LPAR1: variants seen among roughly 807,000 people sequenced by gnomAD.
LPAR1 encodes lysophosphatidic acid receptor 1.
In LPAR1, 5 loss-of-function variants were observed where a neutral mutation model predicts 23.8. The ratio of observed to expected loss-of-function variants is 0.21; its 90% CI spans 0.11 to 0.44. The LOEUF is 0.44. Among genes scored for constraint, LPAR1 ranks in the 20% least tolerant of loss-of-function variants. LPAR1 has a pLI of 0.99. For synonymous variants in LPAR1, 160 were observed against 164.7 expected, an observed-to-expected ratio of 0.97 and a Z score of 0.22; for missense variants, 311 against 482.8, an observed-to-expected ratio of 0.64 and a Z score of 3.33.
intron 5 of LPAR1, among the ~76,000 whole-genome samples, chr9:110,917,536 C>T (rs1019840738): frequency 6.6e-6 from 1 of 152,112 alleles, no homozygotes; most frequent in African/African-American, 2.4e-5. Flanking sequence ...ACTTTGGTTA[C>T]AGACCACCAA....
chr9:111,023,049 TCAACAAA>T (rs2097590677), intron 2 of LPAR1, among the ~76,000 whole-genome samples: 1 of 61,178 alleles, frequency 1.6e-5, no homozygotes, highest in East Asian at 7.9e-4. Context: ...AGACTCCGTC[TCAACAAA>T]AAAAAAAAAA....
At chr9:111,029,041 G>A (rs952497375) in intron 2 of LPAR1, among the ~76,000 whole-genome samples, 3 of 152,064 alleles carry the variant, frequency 2.0e-5, no homozygotes, top group African/African-American at 4.8e-5. Context: ...CATAGTAAAC[G>A]CTCAACAAAT....
At chr9:111,008,195 T>C (rs979870650) in intron 2 of LPAR1, among the ~76,000 whole-genome samples, 23 of 151,886 alleles carry the variant, frequency 1.5e-4, no homozygotes, top group Admixed American at 1.3e-3. Flanking sequence ...ATCTTATTAA[T>C]AACAATATAT....
chr9:110,960,813 T>C (rs2095944407), intron 4 of LPAR1, among the ~76,000 whole-genome samples: 1 of 152,316 alleles, frequency 6.6e-6, no homozygotes, highest in South Asian at 2.1e-4. Flanking sequence ...CTGCAACTTT[T>C]AATCAGGTAA....
chr9:110,966,880 G>T (rs2096246102), intron 4 of LPAR1, among the ~76,000 whole-genome samples: 1 of 152,154 alleles, frequency 6.6e-6, no homozygotes, highest in Non-Finnish European at 1.5e-5. Context: ...CAATGAAAAT[G>T]AAACTTTTAA....
At chr9:110,926,102 A>G (rs1318724350) in intron 5 of LPAR1, among the ~76,000 whole-genome samples, 1 of 152,024 alleles carries the variant, frequency 6.6e-6, no homozygotes, top group Non-Finnish European at 1.5e-5. Context: ...TTGTATTTTT[A>G]GTAGAGATGG....
intron 5 of LPAR1, among the ~76,000 whole-genome samples, chr9:110,914,849 A>C (rs2092905230): frequency 6.6e-6 from 1 of 152,200 alleles, no homozygotes; most frequent in African/African-American, 2.4e-5. Flanking sequence ...CTGCTTCAAA[A>C]TTAATGTTTT....
intron 2 of LPAR1, among the ~76,000 whole-genome samples, chr9:110,992,712 G>A (rs2096920262): frequency 6.6e-6 from 1 of 151,996 alleles, no homozygotes; most frequent in Non-Finnish European, 1.5e-5. Context: ...AATAAGCCGA[G>A]TAAAATAAAC....
chr9:110,920,205 T>A (rs1471692764), intron 5 of LPAR1, among the ~76,000 whole-genome samples: 1 of 152,168 alleles, frequency 6.6e-6, no homozygotes, highest in African/African-American at 2.4e-5. Flanking sequence ...AGCTCTAGCA[T>A]GGGTGGAAGG....
chr9:110,932,300 T>C (rs2094462921), intron 5 of LPAR1, among the ~76,000 whole-genome samples: 1 of 152,238 alleles, frequency 6.6e-6, no homozygotes, highest in African/African-American at 2.4e-5. Context: ...GCCATGATGA[T>C]TCTTCACAGA....
At chr9:110,911,726 A>G (rs996113024) in intron 5 of LPAR1, among the ~76,000 whole-genome samples, 1 of 152,242 alleles carries the variant, frequency 6.6e-6, no homozygotes, top group Non-Finnish European at 1.5e-5. Context: ...ACATACTACT[A>G]TTGCACATTT....
intron 5 of LPAR1, among the ~76,000 whole-genome samples, chr9:110,911,632 T>C (rs2092445530): frequency 1.3e-5 from 2 of 152,172 alleles, no homozygotes. Flanking sequence ...TTTCAAAAGA[T>C]TATGACTTAA....
chr9:111,004,860 T>C (rs1045884698), intron 2 of LPAR1, among the ~76,000 whole-genome samples: 1 of 152,182 alleles, frequency 6.6e-6, no homozygotes, highest in African/African-American at 2.4e-5. Flanking sequence ...TCCAACTTAA[T>C]AGATTCAAAT....
At chr9:110,907,876 T>C (rs75698044) in intron 5 of LPAR1, among the ~76,000 whole-genome samples, 4,141 of 151,564 alleles carry the variant, frequency 0.027, 195 homozygotes, top group African/African-American at 0.092. Flanking sequence ...TTAATTGTTC[T>C]AACTTTCACA....
chr9:110,900,353 A>T (rs1313010671), intron 5 of LPAR1, among the ~76,000 whole-genome samples: 5 of 152,182 alleles, frequency 3.3e-5, no homozygotes, highest in Non-Finnish European at 4.4e-5. Context: ...CACATCTGAA[A>T]AGTATCTTTT....
intron 5 of LPAR1, among the ~76,000 whole-genome samples, chr9:110,932,432 G>A (rs559322099): frequency 3.3e-5 from 5 of 152,320 alleles, no homozygotes; most frequent in African/African-American, 7.2e-5. Flanking sequence ...AGCTAGGACC[G>A]GCTAGAGAAC....
chr9:110,995,226 A>G (rs1439951933), intron 2 of LPAR1, among the ~76,000 whole-genome samples: 1 of 152,142 alleles, frequency 6.6e-6, no homozygotes, highest in East Asian at 1.9e-4. Flanking sequence ...CAAATATATG[A>G]AAGTTTTGTT....
chr9:110,994,416 T>C (rs1016740362), intron 2 of LPAR1, among the ~76,000 whole-genome samples: 1 of 152,200 alleles, frequency 6.6e-6, no homozygotes, highest in East Asian at 1.9e-4. Flanking sequence ...AAAATTTCAA[T>C]GGGATCTGAT....
In LPAR1 at chr9:110,913,057, G is replaced by A. The variant is rs181498763; in HGVS notation, c.793+28364C>T. ...TGTGTGCTATTTGTGCTATTTCCCA[G>A]AGGAGGAACTTAAACTTGAAAGTAA... is the stretch of plus-strand genomic sequence containing the variant. On this transcript the variant is annotated intron_variant, in intron 5 of 5. Coordinates refer to ENST00000683809, the MANE Select transcript of LPAR1 (RefSeq NM_001351411.2). Among the ~76,000 whole-genome samples the A allele has an allele frequency of 1.5e-3, 236 of 152,296 alleles. 1 individual carries two copies. Among genetic ancestry groups the A allele is most frequent in the African/African-American group, 5.5e-3 (230 of 41,580 alleles).
Sources: allele counts gnomAD v4.1 joint callset (sites outside exome capture counted in the v4.1 genomes callset), GRCh38; gene constraint gnomAD v4.1.1; transcripts MANE v1.5; gene names NCBI Gene and HGNC (gene_info 2026-07-23, HGNC 2026-07-21).